The following ERC1 variants were observed in gnomAD, a reference collection of about 807,000 sequenced individuals.
The protein encoded by ERC1 is RAB6 interacting protein 2.
In ERC1, 56 loss-of-function variants were observed where a neutral mutation model predicts 132.0. That is an observed-to-expected ratio of 0.42 (90% CI 0.34 to 0.53). The LOEUF is 0.53. Among genes scored for constraint, ERC1 ranks in the 20% least tolerant of loss-of-function variants. ERC1 has a pLI of 0.03. For synonymous variants in ERC1, 478 were observed against 476.1 expected (o/e 1.00, Z -0.05); for missense variants, 1,202 against 1,349.9 (o/e 0.89, Z 1.72).
At chr12:1,171,774 C>T (rs551927156) in intron 8 of ERC1, among the ~76,000 whole-genome samples, 167 of 152,192 alleles carry the variant, frequency 1.1e-3, no homozygotes, top group Non-Finnish European at 2.0e-3. Flanking sequence ...TAGAGGAAGT[C>T]TCTTCTGCGT....
In ERC1 at chr12:1,440,603, TGTGTGTGTG is replaced by T. The variant is rs2093115972; in HGVS notation, c.3025-3958_3025-3950del. 7.3e-4 allele frequency among the ~76,000 whole-genome samples: 11 copies of T among 15,084 alleles called. 1 individual carries two copies. The highest frequency in any genetic ancestry group is 2.2e-3 in the East Asian group (2 of 914). 9.9% of individuals were successfully genotyped at this position (15,084 alleles called of 152,430 possible). On this transcript the variant is annotated intron_variant, in intron 17 of 18. Transcript: ENST00000360905. Reference sequence around the variant, plus strand: ...GCAATCCCCCTGCCTCAGCCTTTTGTGTGTGTGTGTGTGTGTGTGTGTGTGTGTGTGTGT... The same window carrying T: ...GCAATCCCCCTGCCTCAGCCTTTTGTTGTGTGTGTGTGTGTGTGTGTGTGT...
intron 2 of ERC1, among the ~76,000 whole-genome samples, chr12:1,067,983 G>T (rs1939557955): frequency 6.9e-6 from 1 of 145,110 alleles, no homozygotes; most frequent in South Asian, 2.2e-4. Flanking sequence ...CCAGGCTGGA[G>T]TGCAGTGGCG....
rs148132592 is a variant in ERC1, at chr12:1,444,707, A to G, written c.3170A>G (p.Gln1057Arg). ...PPASYNLDDD[Q>R]AAWENELQKM... The stretch of plus-strand genomic sequence containing the variant: ...GCTTCCTATAACTTGGACGATGACC[A>G]GGCGGCTTGGGAGAATGAGCTGCAG... The change falls in exon 18 of 19, where the codon CAG becomes CGG. Residue 1057 changes from glutamine to arginine, a missense_variant. By Grantham distance (43) the Gln-to-Arg change is conservative. Transcript: ENST00000360905. The G allele has an allele frequency of 7.5e-4, 1,204 of 1,614,168 alleles. 2 individuals are homozygous for G. The highest frequency in any genetic ancestry group is 9.3e-4 in the Non-Finnish European group (1,099 of 1,180,022).
At chr12:1,024,904 TAAA>T (rs1297301454) in intron 1 of ERC1, among the ~76,000 whole-genome samples, 3 of 145,478 alleles carry the variant, frequency 2.1e-5, no homozygotes, top group African/African-American at 5.1e-5. Flanking sequence ...ATAATACAAA[TAAA>T]AAACACAATA....
At chr12:1,313,087 G>T (rs61913077) in intron 15 of ERC1, among the ~76,000 whole-genome samples, 24,547 of 152,120 alleles carry the variant, frequency 0.16, 2,512 homozygotes, top group Non-Finnish European at 0.23. Context: ...GTGGCTCCAT[G>T]ATACCAATGG....
chr12:995,270 T>A (rs1301511437), intron 1 of ERC1, among the ~76,000 whole-genome samples: 1 of 151,934 alleles, frequency 6.6e-6, no homozygotes, highest in African/African-American at 2.4e-5. Flanking sequence ...AAATAAATAA[T>A]AAATAAATAA....
chr12:1,004,316 C>A (rs891630838), intron 1 of ERC1, among the ~76,000 whole-genome samples: 4 of 151,922 alleles, frequency 2.6e-5, no homozygotes, highest in South Asian at 4.2e-4. Context: ...TGCTTCCCCC[C>A]CTTTCAACCC....
At position 1,440,344 on chromosome 12, in the gene ERC1, A is replaced by G. The variant is rs796537750; in HGVS notation, c.3025-4218A>G. Among the ~76,000 whole-genome samples the G allele has an allele frequency of 8.8e-5, 13 of 148,326 alleles. 1 individual carries two copies. The highest frequency in any genetic ancestry group is 4.0e-4 in the East Asian group (2 of 5,008). On this transcript the variant is annotated intron_variant, in intron 17 of 18. Transcript: ENST00000360905. ...CTCAGCCTCCCGAGTAGCTGGGACT[A>G]CAGACGCCCGCCACCACGCCCGGCT...
At chr12:1,024,681 C>G (rs939755403) in intron 1 of ERC1, among the ~76,000 whole-genome samples, 1 of 151,268 alleles carries the variant, frequency 6.6e-6, no homozygotes, top group Non-Finnish European at 1.5e-5. Flanking sequence ...TGAAATGATG[C>G]TAGGAAATCA....
At chr12:1,075,252 A>AC (rs1347934406) in intron 2 of ERC1, among the ~76,000 whole-genome samples, 8 of 152,104 alleles carry the variant, frequency 5.3e-5, no homozygotes, top group Non-Finnish European at 1.0e-4. Context: ...AAGTTTTGAC[A>AC]CCCCCCAAAT....
intron 15 of ERC1, among the ~76,000 whole-genome samples, chr12:1,358,328 T>A (rs1054163930): frequency 1.3e-4 from 20 of 151,932 alleles, no homozygotes; most frequent in African/African-American, 4.6e-4. Flanking sequence ...TGATCAACAT[T>A]ATGAGTGCCT....
chr12:1,168,937 TATA>T (rs1015006247), intron 8 of ERC1, among the ~76,000 whole-genome samples: 1 of 152,138 alleles, frequency 6.6e-6, no homozygotes, highest in Non-Finnish European at 1.5e-5. Flanking sequence ...TGAACTGAGA[TATA>T]ATATACACCT....
chr12:1,213,359 T>C (rs1958056067), intron 12 of ERC1, among the ~76,000 whole-genome samples: 1 of 152,222 alleles, frequency 6.6e-6, no homozygotes, highest in Admixed American at 6.5e-5. Flanking sequence ...ATACTCATCA[T>C]TTCAAGTGGG....
chr12:1,416,696 G>C (rs1389418125), intron 17 of ERC1, among the ~76,000 whole-genome samples: 1 of 152,106 alleles, frequency 6.6e-6, no homozygotes, highest in Non-Finnish European at 1.5e-5. Context: ...TCAGAAGGTG[G>C]GCTTTGGAAC....
intron 15 of ERC1, among the ~76,000 whole-genome samples, chr12:1,334,523 T>A (rs771358224): frequency 6.6e-6 from 1 of 152,220 alleles, no homozygotes; most frequent in Non-Finnish European, 1.5e-5. Context: ...TTGTCAGGTT[T>A]GTTGAAGATC....
chr12:1,398,736 A>C (rs2090753552), intron 16 of ERC1, among the ~76,000 whole-genome samples: 1 of 152,132 alleles, frequency 6.6e-6, no homozygotes. Context: ...GAAGTCTAAG[A>C]TCAAGGCACC....
chr12:1,190,207 T>TA, intron 12 of ERC1, 155 bp downstream of exon 12: 1 of 783,362 alleles, frequency 1.3e-6, no homozygotes. Context: ...AGGTCAGTTG[T>TA]ACGTTCTTTG....
chr12:1,083,621 C>CT (rs575613837), intron 3 of ERC1, 41 bp downstream of exon 3: 50 of 1,473,642 alleles, frequency 3.4e-5, no homozygotes, highest in Admixed American at 8.7e-5. Flanking sequence ...TGTTGGTTAT[C>CT]TTTTTTTTCA....
chr12:1,197,136 A>G (rs1956410148), intron 12 of ERC1, among the ~76,000 whole-genome samples: 1 of 151,644 alleles, frequency 6.6e-6, no homozygotes. Flanking sequence ...ATACACCACC[A>G]TGCCCAGCTA....
Sources: gnomAD v4.1 joint callset for allele counts (sites outside exome capture counted in the v4.1 genomes callset) on GRCh38, gnomAD v4.1.1 for gene constraint, MANE v1.5 for transcripts, NCBI Gene and HGNC (gene_info 2026-07-23, HGNC 2026-07-21) for gene names.